The following USP12 variants were observed in gnomAD, a reference collection of about 807,000 sequenced individuals.
USP12 encodes the protein ubiquitin carboxyl-terminal hydrolase 12.
Under a neutral mutation model 45.5 loss-of-function variants are expected in USP12, and 19 were observed. That is an observed-to-expected ratio of 0.42 (90% CI 0.29 to 0.61). USP12 has a LOEUF of 0.61. Among genes scored for constraint, USP12 ranks in the 20% least tolerant of loss-of-function variants. The probability of loss-of-function intolerance (pLI) is 0.22; values close to 1 mark genes in which losing one functional copy is unlikely to be tolerated. For missense variants in USP12, 242 were observed against 447.7 expected (o/e 0.54, Z 4.15); for synonymous variants, 149 against 148.8 (o/e 1.00, Z -0.01).
chr13:27,129,206 A>C lies in USP12; in HGVS notation c.49-12610T>G, dbSNP rs1262845438. 6.7e-6 allele frequency among the ~76,000 whole-genome samples: 1 copy of C among 149,286 alleles called. No individual in the cohort carries two copies. The highest frequency in any genetic ancestry group is 1.5e-5 in the Non-Finnish European group (1 of 67,396). On this transcript the variant is annotated intron_variant, in intron 1 of 8. Coordinates refer to ENST00000282344, the MANE Select transcript of USP12 (RefSeq NM_182488.4). The surrounding 1 kb of genome is among the most constrained non-coding windows in gnomAD (Gnocchi z 4.0). ...TTTCCGTGTCACTGAGACAACAGGA[A>C]TATTATATTAAACCACAGTTAAGTG...
At chr13:27,076,252 C>T (rs928134152) in intron 6 of USP12, among the ~76,000 whole-genome samples, 1 of 152,034 alleles carries the variant, frequency 6.6e-6, no homozygotes, top group African/African-American at 2.4e-5. Context: ...AATGTATATC[C>T]TAGAAAGGGA....
chr13:27,141,943 G>A (rs751748685), intron 1 of USP12, among the ~76,000 whole-genome samples: 2 of 151,904 alleles, frequency 1.3e-5, no homozygotes, highest in African/African-American at 4.8e-5. Context: ...TGCACTTTGG[G>A]AGGCCAAAAA....
rs1593222519 is a variant in USP12 at position 27,171,760 on chromosome 13, A to C, written c.-121T>G. 4.3e-5 allele frequency: 20 copies of C among 461,406 alleles called. No individual in the cohort carries two copies. The highest frequency in any genetic ancestry group is 5.5e-5 in the Non-Finnish European group (19 of 346,834). 28.6% of individuals were successfully genotyped at this position (461,406 alleles called of 1,614,324 possible). A position where few individuals can be genotyped will look rare whatever the true frequency, so the allele number is the denominator to read the frequency against. On this transcript the variant is annotated 5_prime_UTR_variant, in exon 1 of 9. Coordinates refer to ENST00000282344, the MANE Select transcript of USP12 (RefSeq NM_182488.4). ...ACCCCGAGCCGCCGCGGACCCAACC[A>C]CCGAGCCCGCTGGGCCGCCGCTGCC...
chr13:27,142,325 A>C (rs1877102202), intron 1 of USP12, among the ~76,000 whole-genome samples: 1 of 152,244 alleles, frequency 6.6e-6, no homozygotes, highest in Non-Finnish European at 1.5e-5. Flanking sequence ...AGACGAAAAA[A>C]GGCGGAAGAA....
chr13:27,171,644 C>T lies in USP12; in HGVS notation c.-5G>A. 1 of 1,294,956 alleles carries T rather than the reference C, an allele frequency of 7.7e-7. No homozygotes were observed. The highest frequency in any genetic ancestry group is 2.4e-5 in the Admixed American group (1 of 42,458). 80.2% of individuals were successfully genotyped at this position (1,294,956 alleles called of 1,614,324 possible). ...GACTGTCATTAGGATTTCCATCCGGCCAGCGCCATCTTCCACCCAATCACA... is the reference window on the plus strand; with the variant it reads ...GACTGTCATTAGGATTTCCATCCGGTCAGCGCCATCTTCCACCCAATCACA... On this transcript the variant is annotated 5_prime_UTR_variant, in exon 1 of 9. Transcript: ENST00000282344.
intron 3 of USP12, among the ~76,000 whole-genome samples, chr13:27,105,031 C>T (rs1014903598): frequency 2.0e-5 from 3 of 152,114 alleles, no homozygotes; most frequent in Non-Finnish European, 4.4e-5. Flanking sequence ...GTTTGTATAC[C>T]AGCTCCACCA....
intron 2 of USP12, among the ~76,000 whole-genome samples, chr13:27,106,686 T>C (rs1201728171): frequency 6.6e-6 from 1 of 152,126 alleles, no homozygotes; most frequent in East Asian, 1.9e-4. Context: ...ATATCAAATG[T>C]ATGTCCATAG....
chr13:27,112,787 C>T (rs1319840482), intron 2 of USP12, among the ~76,000 whole-genome samples: 1 of 152,106 alleles, frequency 6.6e-6, no homozygotes, highest in African/African-American at 2.4e-5. Flanking sequence ...CAGTCTCATC[C>T]ATATGTTAAG....
At chr13:27,083,714 T>A (rs1306748744) in intron 6 of USP12, among the ~76,000 whole-genome samples, 1 of 152,202 alleles carries the variant, frequency 6.6e-6, no homozygotes, top group Non-Finnish European at 1.5e-5. Context: ...TTTCCTTTAT[T>A]TTGTGAGTCT....
intron 6 of USP12, among the ~76,000 whole-genome samples, chr13:27,083,287 G>C (rs1873849085): frequency 6.6e-6 from 1 of 152,192 alleles, no homozygotes; most frequent in Non-Finnish European, 1.5e-5. Flanking sequence ...ACAGAGACAG[G>C]AAATGTGCAC....
intron 1 of USP12, among the ~76,000 whole-genome samples, chr13:27,152,816 C>T (rs1473565424): frequency 6.6e-6 from 1 of 151,850 alleles, no homozygotes; most frequent in Non-Finnish European, 1.5e-5. Context: ...GTGGCGGGCG[C>T]CTGTAGTCCC....
Position 27,129,801 on chromosome 13 carries a change from C to G in USP12, c.49-13205G>C, listed in dbSNP as rs367748395. On this transcript the variant is annotated intron_variant, in intron 1 of 8. Coordinates refer to ENST00000282344, the MANE Select transcript of USP12 (RefSeq NM_182488.4). The surrounding 1 kb of genome is among the most constrained non-coding windows in gnomAD (Gnocchi z 4.0). ...AATGTAGTTTCGGTCTTTTCAACAA[C>G]AAGAAAGCACCACTCTTTGATAAAT... 6.6e-6 allele frequency among the ~76,000 whole-genome samples: 1 copy of G among 152,056 alleles called. No individual in the cohort carries two copies. The highest frequency in any genetic ancestry group is 2.4e-5 in the African/African-American group (1 of 41,406).
chr13:27,166,627 T>C (rs548778688), intron 1 of USP12, among the ~76,000 whole-genome samples: 1 of 152,298 alleles, frequency 6.6e-6, no homozygotes, highest in African/African-American at 2.4e-5. Context: ...AGCCATATGA[T>C]ATAAAATAAG....
chr13:27,145,382 T>C (rs897136200), intron 1 of USP12, among the ~76,000 whole-genome samples: 3 of 152,204 alleles, frequency 2.0e-5, no homozygotes, highest in Non-Finnish European at 4.4e-5. Flanking sequence ...ATTGTTTCCA[T>C]GGAACACGAA....
intron 1 of USP12, among the ~76,000 whole-genome samples, chr13:27,145,026 C>T (rs749247198): frequency 6.6e-6 from 1 of 152,160 alleles, no homozygotes. Context: ...ACGATCGCAC[C>T]ACTGCATTCC....
intron 2 of USP12, among the ~76,000 whole-genome samples, chr13:27,112,287 CTT>C (rs750413408): frequency 1.4e-5 from 2 of 143,326 alleles, no homozygotes. Flanking sequence ...TTCATAGCTA[CTT>C]TTTTTTTTTT....
chr13:27,112,251 C>T (rs1310675992), intron 2 of USP12, among the ~76,000 whole-genome samples: 1 of 151,690 alleles, frequency 6.6e-6, no homozygotes, highest in Non-Finnish European at 1.5e-5. Flanking sequence ...ATAAAACACT[C>T]AGAACAGTTA....
At position 27,129,639 on chromosome 13, in the gene USP12, G is replaced by A. The variant is rs1272075777; in HGVS notation, c.49-13043C>T. Among the ~76,000 whole-genome samples, 5 of 152,140 alleles carry A rather than the reference G, an allele frequency of 3.3e-5. No individual in the cohort carries two copies. The South Asian group carries it at 6.2e-4, about 19-fold the overall frequency. ...GGAGGATCATTAAGCCCAGGAGTTC[G>A]AGGCTGCAGTGAACTATGACCTGGG... On this transcript the variant is annotated intron_variant, in intron 1 of 8. Transcript: ENST00000282344. This position sits in a 1 kb window ranked among gnomAD's most constrained non-coding sequence, Gnocchi z 4.0.
chr13:27,084,169 T>TACACAC lies in USP12; in HGVS notation c.734+5708_734+5713dup, dbSNP rs374948699. 8.8e-3 allele frequency among the ~76,000 whole-genome samples: 1,260 copies of TACACAC among 142,478 alleles called. 10 individuals are homozygous for TACACAC. The highest frequency in any genetic ancestry group is 0.019 in the African/African-American group (718 of 37,540). The allele number at this position is 142,478 out of a possible 152,430, so 93.5% of individuals were successfully genotyped here. ...TGTCACTCATAAATCCATGTTTGCA[T>TACACAC]ACACACACACACACACACACACACA... On this transcript the variant is annotated intron_variant, in intron 6 of 8. Coordinates refer to ENST00000282344, the MANE Select transcript of USP12 (RefSeq NM_182488.4).
Sources: allele counts gnomAD v4.1 joint callset (sites outside exome capture counted in the v4.1 genomes callset), GRCh38; gene constraint gnomAD v4.1.1; non-coding constraint Gnocchi (gnomAD v3.1); transcripts MANE v1.5; gene names NCBI Gene and HGNC (gene_info 2026-07-23, HGNC 2026-07-21).